The following CLASP2 variants were observed in gnomAD, a reference collection of about 807,000 sequenced individuals.
CLASP2 encodes CLIP-associating protein 2.
CLASP2 carries 47 observed loss-of-function variants against 194.4 expected under a neutral mutation model. The observed-to-expected ratio is 0.24, with a 90% confidence interval of 0.19 to 0.31. The LOEUF is 0.31. Among genes scored for constraint, CLASP2 ranks in the 10% least tolerant of loss-of-function variants. CLASP2 has a pLI of 1.00. For synonymous variants in CLASP2, 619 were observed against 633.5 expected, an observed-to-expected ratio of 0.98 and a Z score of 0.34; for missense variants, 1,445 against 1,823.6, an observed-to-expected ratio of 0.79 and a Z score of 3.78.
chr3:33,615,272 G>A lies in CLASP2; in HGVS notation c.1318-3201C>T, dbSNP rs144431725. Among the ~76,000 whole-genome samples the A allele has an allele frequency of 2.7e-3, 403 of 150,996 alleles. 2 individuals carry two copies. The highest frequency in any genetic ancestry group is 9.5e-3 in the African/African-American group (389 of 41,164). On this transcript the variant is annotated intron_variant, in intron 12 of 38. Transcript: ENST00000682230. ...ATCTTTGTTAAATTTAATTCAATGG[G>A]TAAGGGAAAAAATGACATGAATGAA...
intron 24 of CLASP2, 123 bp from the exon 25 acceptor site, chr3:33,573,477 A>G (rs1040869659): frequency 1.0e-6 from 1 of 967,396 alleles, no homozygotes; most frequent in South Asian, 1.4e-5. Flanking sequence ...GCTCCTAATC[A>G]TTGTAATAAC....
At chr3:33,514,753 C>T (rs949421539) in intron 36 of CLASP2, 2 of 247,836 alleles carry the variant, frequency 8.1e-6, no homozygotes, top group South Asian at 4.5e-5. Flanking sequence ...TTGGCAATTG[C>T]AAAAATATGG....
At chr3:33,510,526 T>C (rs192936642) in intron 37 of CLASP2, 32 bp downstream of exon 37, 307 of 1,595,814 alleles carry the variant, frequency 1.9e-4, no homozygotes, top group Middle Eastern at 1.7e-3. Flanking sequence ...AAATGTATCA[T>C]GGCTTATTCC....
intron 36 of CLASP2, chr3:33,514,506 T>C (rs896307113): frequency 6.1e-6 from 1 of 163,748 alleles, no homozygotes; most frequent in African/African-American, 2.4e-5. Flanking sequence ...CTCTCATTCA[T>C]TTTATCTCAC....
intron 12 of CLASP2, among the ~76,000 whole-genome samples, chr3:33,616,142 A>G (rs1323765463): frequency 6.6e-6 from 1 of 152,164 alleles, no homozygotes; most frequent in Non-Finnish European, 1.5e-5. Flanking sequence ...TGCCTCTGCC[A>G]AGTATATATA....
intron 6 of CLASP2, among the ~76,000 whole-genome samples, chr3:33,671,060 C>T (rs1054434091): frequency 1.3e-5 from 2 of 151,976 alleles, no homozygotes; most frequent in Non-Finnish European, 2.9e-5. Context: ...ATGGAAATCC[C>T]GAACTCCAGT....
chr3:33,520,632 T>C (rs1204731505), intron 34 of CLASP2, among the ~76,000 whole-genome samples: 2 of 152,066 alleles, frequency 1.3e-5, no homozygotes, highest in South Asian at 2.1e-4. Flanking sequence ...ATAGCAGAGA[T>C]AGCAGAAAAA....
chr3:33,671,608 C>T lies in CLASP2; in HGVS notation c.645-8093G>A, dbSNP rs191406635. Among the ~76,000 whole-genome samples, 48 of 152,204 alleles carry T rather than the reference C, an allele frequency of 3.2e-4. No homozygotes were observed. In the Middle Eastern group the frequency reaches 0.014, roughly 43 times the overall value. ...AGTGGGCGCAGGTCAGTGGGTACAG[C>T]GCACCGTGCACGAGCCAAAGCAGGG... On this transcript the variant is annotated intron_variant, in intron 6 of 38. Transcript: ENST00000682230.
intron 26 of CLASP2, among the ~76,000 whole-genome samples, chr3:33,570,327 T>G (rs1172259067): frequency 3.3e-5 from 5 of 152,174 alleles, no homozygotes; most frequent in African/African-American, 9.6e-5. Flanking sequence ...TTCTACAAAA[T>G]TATTATTTCA....
chr3:33,598,384 T>C (rs1263043380), intron 18 of CLASP2, among the ~76,000 whole-genome samples: 3 of 152,150 alleles, frequency 2.0e-5, no homozygotes, highest in African/African-American at 7.2e-5. Context: ...TGATATCTAC[T>C]ACCTCTTCCA....
rs368212626 is a variant in CLASP2 at position 33,567,942 on chromosome 3, C to T, written c.2764-1208G>A. Among the ~76,000 whole-genome samples, 6 of 152,042 alleles carry T rather than the reference C, an allele frequency of 3.9e-5. No individual in the cohort carries two copies. The East Asian group carries it at 5.8e-4, about 15-fold the overall frequency. On this transcript the variant is annotated intron_variant, in intron 26 of 38. Transcript: ENST00000682230. ...TGTACTGCTTCACTTATAAAAAATA[C>T]TAAAAGGCTTTAAATTATACATTTG...
intron 30 of CLASP2, among the ~76,000 whole-genome samples, chr3:33,549,418 G>A (rs1479064916): frequency 6.6e-6 from 1 of 152,142 alleles, no homozygotes; most frequent in Non-Finnish European, 1.5e-5. Context: ...GGTATGCCAT[G>A]TCTTCATTTT....
chr3:33,586,099 G>C (rs2067291192), intron 21 of CLASP2, among the ~76,000 whole-genome samples: 1 of 151,998 alleles, frequency 6.6e-6, no homozygotes, highest in Admixed American at 6.6e-5. Context: ...AGGGGAGTAA[G>C]GGGAAAACAT....
rs533158887 is a variant in CLASP2, at chr3:33,571,994, C to T, written c.2699+1116G>A. Among the ~76,000 whole-genome samples, 15 of 152,288 alleles carry T rather than the reference C, an allele frequency of 9.8e-5. No homozygotes were observed. The South Asian group carries it at 2.9e-3, about 29-fold the overall frequency. On this transcript the variant is annotated intron_variant, in intron 25 of 38. Transcript: ENST00000682230. ...ATTATCCTTCATTAATGGAGTGTGA[C>T]AGGAGAAATTTTACATATGGCATTC...
At chr3:33,537,803 A>G (rs1390447140) in intron 33 of CLASP2, among the ~76,000 whole-genome samples, 3 of 152,096 alleles carry the variant, frequency 2.0e-5, no homozygotes, top group African/African-American at 7.2e-5. Context: ...CTATCACTAC[A>G]CCTAACAGGC....
intron 1 of CLASP2, among the ~76,000 whole-genome samples, chr3:33,709,037 C>T (rs2092871159): frequency 1.3e-5 from 2 of 152,158 alleles, no homozygotes; most frequent in South Asian, 4.1e-4. Context: ...CCAGTATTTT[C>T]TCCCATTCAG....
chr3:33,576,131 T>G, intron 24 of CLASP2, 38 bp downstream of exon 24: 1 of 1,530,708 alleles, frequency 6.5e-7, no homozygotes, highest in South Asian at 1.1e-5. Context: ...GTTTCGTAAT[T>G]GGAACATTTA....
intron 1 of CLASP2, among the ~76,000 whole-genome samples, chr3:33,697,802 C>T (rs1223866019): frequency 6.6e-6 from 1 of 152,136 alleles, no homozygotes; most frequent in African/African-American, 2.4e-5. Context: ...ACCAACTAAC[C>T]TGAAATCTAA....
At chr3:33,648,086 A>G (rs1353489613) in intron 7 of CLASP2, among the ~76,000 whole-genome samples, 9 of 152,096 alleles carry the variant, frequency 5.9e-5, no homozygotes, top group Non-Finnish European at 8.8e-5. Flanking sequence ...TAAATTTAAA[A>G]TATCTGATTA....
Sources: gnomAD v4.1 joint callset for allele counts (sites outside exome capture counted in the v4.1 genomes callset) on GRCh38, gnomAD v4.1.1 for gene constraint, MANE v1.5 for transcripts, NCBI Gene and HGNC (gene_info 2026-07-23, HGNC 2026-07-21) for gene names.